The following FNDC3A variants were observed in gnomAD, a reference collection of about 807,000 sequenced individuals.
FNDC3A encodes fibronectin type-III domain-containing protein 3A.
Under a neutral mutation model 148.9 loss-of-function variants are expected in FNDC3A, and 32 were observed. The ratio of observed to expected loss-of-function variants is 0.21; its 90% CI spans 0.16 to 0.29. The LOEUF is 0.29. Ranked by LOEUF, FNDC3A falls within the 10% of genes least tolerant of loss-of-function variation. FNDC3A has a pLI of 1.00. For synonymous variants in FNDC3A, 472 were observed against 473.6 expected, an observed-to-expected ratio of 1.00 and a Z score of 0.04; for missense variants, 1,191 against 1,452.8, an observed-to-expected ratio of 0.82 and a Z score of 2.93.
intron 3 of FNDC3A, among the ~76,000 whole-genome samples, chr13:49,091,600 C>CTG (rs1236688683): frequency 1.3e-5 from 2 of 152,224 alleles, no homozygotes; most frequent in Non-Finnish European, 2.9e-5. Flanking sequence ...TAGAAAGGGA[C>CTG]TGTAGTGCTG....
At chr13:49,096,478 A>G (rs1347575476) in intron 3 of FNDC3A, among the ~76,000 whole-genome samples, 2 of 152,064 alleles carry the variant, frequency 1.3e-5, no homozygotes, top group African/African-American at 4.8e-5. Context: ...TTTTTGGAAA[A>G]TCCTTTCATC....
intron 4 of FNDC3A, among the ~76,000 whole-genome samples, chr13:49,123,469 A>G (rs1163769031): frequency 1.3e-5 from 2 of 152,192 alleles, no homozygotes; most frequent in Non-Finnish European, 2.9e-5. Flanking sequence ...ACCAAAAGCT[A>G]TGGCAACAAA....
At position 49,026,977 on chromosome 13, in the gene FNDC3A, T is replaced by G. The variant is rs1223054499; in HGVS notation, c.99+20688T>G. Among the ~76,000 whole-genome samples, 5 of 151,788 alleles carry G rather than the reference T, an allele frequency of 3.3e-5. No individual in the cohort carries two copies. The East Asian group carries it at 7.7e-4, about 23-fold the overall frequency. On this transcript the variant is annotated intron_variant, in intron 2 of 25. Transcript: ENST00000492622. ...CCCACCAAGCATAAAGTCCAGAGGA[T>G]ACCAACTGTGAAATAGAAAGTAAAG...
chr13:49,131,987 A>C (rs1465706980), intron 5 of FNDC3A, among the ~76,000 whole-genome samples: 1 of 152,218 alleles, frequency 6.6e-6, no homozygotes, highest in African/African-American at 2.4e-5. Flanking sequence ...CTAAACAGAA[A>C]TGTCAAATGT....
intron 1 of FNDC3A, among the ~76,000 whole-genome samples, chr13:48,993,298 AACTT>A (rs1369574920): frequency 6.6e-6 from 1 of 152,184 alleles, no homozygotes; most frequent in Non-Finnish European, 1.5e-5. Context: ...CTAACCTGGG[AACTT>A]ATTAGAGATG....
chr13:49,002,220 A>G (rs1187074094), intron 1 of FNDC3A, among the ~76,000 whole-genome samples: 1 of 152,134 alleles, frequency 6.6e-6, no homozygotes. Context: ...AGCAAAAGTG[A>G]GCATCCTTGC....
chr13:49,027,937 G>A (rs1425767109), intron 2 of FNDC3A, among the ~76,000 whole-genome samples: 5 of 152,042 alleles, frequency 3.3e-5, no homozygotes, highest in Non-Finnish European at 7.4e-5. Flanking sequence ...AAAAATTCAG[G>A]TGCAATGGCT....
chr13:49,104,932 T>C (rs1005751281), intron 3 of FNDC3A, among the ~76,000 whole-genome samples: 1 of 152,174 alleles, frequency 6.6e-6, no homozygotes, highest in African/African-American at 2.4e-5. Flanking sequence ...AACTATCAAA[T>C]GATCAGTAAA....
intron 4 of FNDC3A, among the ~76,000 whole-genome samples, chr13:49,117,342 T>C (rs1373087700): frequency 6.6e-6 from 1 of 152,238 alleles, no homozygotes; most frequent in African/African-American, 2.4e-5. Flanking sequence ...CTTGATACTT[T>C]CAATTATGTC....
intron 8 of FNDC3A, chr13:49,146,997 T>C (rs1883033438): frequency 6.6e-6 from 1 of 152,200 alleles, no homozygotes; most frequent in Admixed American, 6.5e-5. Flanking sequence ...TTGCTATCTT[T>C]TTTCAAAACA....
intron 8 of FNDC3A, among the ~76,000 whole-genome samples, chr13:49,149,322 A>G (rs1223673884): frequency 2.0e-5 from 3 of 151,932 alleles, no homozygotes; most frequent in Admixed American, 2.0e-4. Context: ...TTTCTGTATG[A>G]TGTTAGCTAT....
intron 2 of FNDC3A, among the ~76,000 whole-genome samples, chr13:49,051,764 G>C (rs1407697570): frequency 6.6e-6 from 1 of 152,100 alleles, no homozygotes; most frequent in Non-Finnish European, 1.5e-5. Flanking sequence ...CCTCAAATAC[G>C]TTTTCCAAAC....
At chr13:49,154,131 T>C (rs1488335130) in intron 8 of FNDC3A, among the ~76,000 whole-genome samples, 2 of 144,060 alleles carry the variant, frequency 1.4e-5, no homozygotes, top group African/African-American at 5.2e-5. Flanking sequence ...TTTCACAATA[T>C]TGATTCTTCC....
chr13:49,173,390 A>G (rs1471780708), intron 11 of FNDC3A, among the ~76,000 whole-genome samples: 1 of 152,248 alleles, frequency 6.6e-6, no homozygotes, highest in East Asian at 1.9e-4. Flanking sequence ...ATTAAGGAAG[A>G]GTATTTGATA....
At chr13:49,018,868 G>A (rs1221621526) in intron 2 of FNDC3A, among the ~76,000 whole-genome samples, 1 of 152,212 alleles carries the variant, frequency 6.6e-6, no homozygotes, top group Non-Finnish European at 1.5e-5. Context: ...GCCGTGTGAG[G>A]TGTCAGTCTG....
chr13:49,114,609 T>C (rs1880809475), intron 3 of FNDC3A, 46 bp from the exon 4 acceptor site: 1 of 1,292,158 alleles, frequency 7.7e-7, no homozygotes, highest in South Asian at 1.2e-5. Flanking sequence ...AACTTTAGCC[T>C]GATAAGCAAT....
rs147696936 is a variant in FNDC3A at position 49,044,553 on chromosome 13, C to T, written c.100-30736C>T. The T allele has an allele frequency of 2.7e-3, 471 of 173,792 alleles. 1 individual carries two copies. Among genetic ancestry groups the T allele is most frequent in the Middle Eastern group, 0.01 (4 of 394 alleles). The allele number at this position is 173,792 out of a possible 1,614,324, so 10.8% of individuals were successfully genotyped here. A position where few individuals can be genotyped will look rare whatever the true frequency, so the allele number is the denominator to read the frequency against. On this transcript the variant is annotated intron_variant, in intron 2 of 25. Coordinates refer to ENST00000492622, the MANE Select transcript of FNDC3A (RefSeq NM_001079673.2). ...GGTGTGGTGGCACGTGCCTGTAGTC[C>T]CAGCTACTCAGGAGGCTGAAGCAGG...
intron 3 of FNDC3A, among the ~76,000 whole-genome samples, chr13:49,084,411 C>T (rs1472130668): frequency 6.6e-6 from 1 of 152,144 alleles, no homozygotes; most frequent in Non-Finnish European, 1.5e-5. Flanking sequence ...ATATACTTTT[C>T]ATACTTGGGG....
At chr13:49,050,489 A>G (rs963132476) in intron 2 of FNDC3A, among the ~76,000 whole-genome samples, 1 of 152,120 alleles carries the variant, frequency 6.6e-6, no homozygotes, top group East Asian at 1.9e-4. Context: ...ATTTTATTCC[A>G]CTGTGGTCTG....
Sources: gnomAD v4.1 joint callset for allele counts (sites outside exome capture counted in the v4.1 genomes callset) on GRCh38, gnomAD v4.1.1 for gene constraint, MANE v1.5 for transcripts, NCBI Gene and HGNC (gene_info 2026-07-23, HGNC 2026-07-21) for gene names.